ADCY8: variants seen among roughly 807,000 people sequenced by gnomAD.
ADCY8 encodes adenylate cyclase type 8.
In ADCY8, 51 loss-of-function variants were observed where a neutral mutation model predicts 119.7. The observed-to-expected ratio is 0.43, with a 90% CI of 0.34 to 0.54. The LOEUF is 0.54. ADCY8 is among the 20% of genes least tolerant of loss of function. The probability of loss-of-function intolerance (pLI) is 0.03; values close to 1 mark genes in which losing one functional copy is unlikely to be tolerated. For missense variants in ADCY8, 1,383 were observed against 1,598.8 expected (o/e 0.87, Z 2.30); for synonymous variants, 665 against 651.0 (o/e 1.02, Z -0.33).
chr8:131,002,177 A>G (rs922220146), intron 1 of ADCY8, among the ~76,000 whole-genome samples: 2 of 152,220 alleles, frequency 1.3e-5, no homozygotes, highest in Non-Finnish European at 2.9e-5. Flanking sequence ...ACCTTCCTCA[A>G]AATGTTGGAT....
intron 3 of ADCY8, among the ~76,000 whole-genome samples, chr8:130,947,960 C>A: frequency 6.6e-6 from 1 of 152,130 alleles, no homozygotes; most frequent in East Asian, 1.9e-4. Context: ...AGGTGGGCAC[C>A]TGGAATTGAT....
At chr8:130,996,950 G>A (rs1048877467) in intron 1 of ADCY8, among the ~76,000 whole-genome samples, 8 of 152,242 alleles carry the variant, frequency 5.3e-5, no homozygotes, top group African/African-American at 1.7e-4. Context: ...GTCTTTAGGA[G>A]ATCATCAGAC....
At chr8:130,818,251 T>C (rs1233340811) in intron 13 of ADCY8, among the ~76,000 whole-genome samples, 2 of 152,226 alleles carry the variant, frequency 1.3e-5, no homozygotes, top group East Asian at 1.9e-4. Context: ...TCTTTCCTTC[T>C]GAGCCACACA....
intron 1 of ADCY8, among the ~76,000 whole-genome samples, chr8:131,032,346 A>C (rs973639074): frequency 6.6e-6 from 1 of 152,196 alleles, no homozygotes; most frequent in African/African-American, 2.4e-5. Context: ...AGGGATAGAA[A>C]ACCCCAGTAG....
chr8:130,894,369 G>A (rs190095937), intron 7 of ADCY8, among the ~76,000 whole-genome samples: 2 of 152,156 alleles, frequency 1.3e-5, no homozygotes, highest in Admixed American at 1.3e-4. Context: ...TTATTATCCC[G>A]CGTGTTTATT....
intron 3 of ADCY8, among the ~76,000 whole-genome samples, chr8:130,948,645 TAAAAA>T (rs34700138): frequency 1.1e-5 from 1 of 91,204 alleles, no homozygotes; most frequent in Non-Finnish European, 2.7e-5. Flanking sequence ...TCTTCAAAAT[TAAAAA>T]AAAAAAAAAA....
intron 1 of ADCY8, among the ~76,000 whole-genome samples, chr8:131,037,146 T>C (rs1263128067): frequency 1.3e-5 from 2 of 152,152 alleles, no homozygotes; most frequent in Non-Finnish European, 2.9e-5. Context: ...GGGAGAGCGC[T>C]CTGGTTGTTC....
Position 130,911,783 on chromosome 8 carries a change from T to A in ADCY8, c.1482-1917A>T, listed in dbSNP as rs947421021. On this transcript the variant is annotated intron_variant, in intron 5 of 17. Coordinates refer to ENST00000286355, the MANE Select transcript of ADCY8 (RefSeq NM_001115.3). ...TAATTAAATATAATTAATAGAATAGTTAATAAATATAATTTTATTAGATAT... is the reference window on the plus strand; with the variant it reads ...TAATTAAATATAATTAATAGAATAGATAATAAATATAATTTTATTAGATAT... Among the ~76,000 whole-genome samples, 4 of 150,626 alleles carry A rather than the reference T, an allele frequency of 2.7e-5. 1 individual carries two copies. Among genetic ancestry groups the A allele is most frequent in the Admixed American group, 2.7e-4 (4 of 15,066 alleles).
intron 9 of ADCY8, among the ~76,000 whole-genome samples, chr8:130,865,097 C>T (rs1818069359): frequency 6.6e-6 from 1 of 152,104 alleles, no homozygotes; most frequent in South Asian, 2.1e-4. Flanking sequence ...TCCCTAAGTA[C>T]TCTTCCTCAG....
intron 12 of ADCY8, among the ~76,000 whole-genome samples, chr8:130,822,527 AATCCATGAATCCATCC>A (rs1175755001): frequency 4.3e-5 from 6 of 139,250 alleles, no homozygotes; most frequent in African/African-American, 8.2e-5. Context: ...TGAATCCATG[AATCCATGAATCCATCC>A]ATCCATCCAT....
intron 9 of ADCY8, among the ~76,000 whole-genome samples, chr8:130,859,440 A>G (rs915550606): frequency 5.3e-5 from 8 of 152,200 alleles, no homozygotes; most frequent in South Asian, 2.1e-4. Flanking sequence ...CCATGCCTCA[A>G]TGGGAAATTC....
Position 131,002,675 on chromosome 8 carries a change from A to C in ADCY8, c.961-12133T>G, listed in dbSNP as rs367780720. On this transcript the variant is annotated intron_variant, in intron 1 of 17. Coordinates refer to ENST00000286355, the MANE Select transcript of ADCY8 (RefSeq NM_001115.3). Reference sequence around the variant, plus strand: ...AAATCTAAGAAAAGGTAAAAAAAAAAATGAGGCCTCCTGAACTCAGCTAAA... The same window carrying C: ...AAATCTAAGAAAAGGTAAAAAAAAACATGAGGCCTCCTGAACTCAGCTAAA... 6.2e-4 allele frequency among the ~76,000 whole-genome samples: 94 copies of C among 152,058 alleles called. 1 individual carries two copies. The highest frequency in any genetic ancestry group is 2.1e-3 in the African/African-American group (88 of 41,546).
Position 130,825,626 on chromosome 8 carries a change from C to G in ADCY8, c.2676-4206G>C, listed in dbSNP as rs762317542. On this transcript the variant is annotated intron_variant, in intron 12 of 17. Transcript: ENST00000286355. ...TTTTAAGGCTGGGCCTAGAGAAGAT[C>G]AGTTCTGCTTCTAAAAAGTCTGATG... Among the ~76,000 whole-genome samples the G allele has an allele frequency of 1.7e-4, 26 of 152,198 alleles. 1 individual carries two copies. Among genetic ancestry groups the G allele is most frequent in the Admixed American group, 2.0e-4 (3 of 15,280 alleles).
intron 2 of ADCY8, among the ~76,000 whole-genome samples, chr8:130,989,663 A>T (rs1468382729): frequency 6.6e-6 from 1 of 152,216 alleles, no homozygotes; most frequent in East Asian, 1.9e-4. Flanking sequence ...GTTCAGAACA[A>T]AGGTATTCAT....
At chr8:130,952,552 G>A (rs1474788738) in intron 2 of ADCY8, among the ~76,000 whole-genome samples, 1 of 152,006 alleles carries the variant, frequency 6.6e-6, no homozygotes, top group African/African-American at 2.4e-5. Flanking sequence ...GAGGTTGGAG[G>A]TGTAGCTAGA....
In ADCY8 at chr8:130,780,790, C is replaced by A; in HGVS notation, c.3356G>T (p.Ser1119Ile). The A allele has an allele frequency of 1.9e-6, 3 of 1,614,214 alleles. No individual in the cohort carries two copies. The highest frequency in any genetic ancestry group is 1.7e-6 in the Non-Finnish European group (2 of 1,180,026). Reference protein sequence around the residue: ...DIWGKTVNLASRMDSTGVSGR... With the variant: ...DIWGKTVNLAIRMDSTGVSGR... ...ACTAACCCCCGTGCTGTCCATTCGG[C>A]TTGCCAGGTTCACAGTTTTGCCCCA... The change falls in exon 18 of 18, where the codon AGC (serine) becomes ATC (isoleucine). Residue 1119 changes from serine to isoleucine, a missense_variant. This residue lies in a region of ADCY8 where 928 missense variants were observed against 1,163.5 expected (regional missense o/e 0.80). Transcript: ENST00000286355.
chr8:130,803,880 G>C (rs1815859997), intron 14 of ADCY8, among the ~76,000 whole-genome samples: 1 of 152,218 alleles, frequency 6.6e-6, no homozygotes, highest in African/African-American at 2.4e-5. Flanking sequence ...AATCTAAACT[G>C]ATGCCTTCTT....
intron 5 of ADCY8, among the ~76,000 whole-genome samples, chr8:130,927,235 C>G (rs1480184660): frequency 1.3e-5 from 2 of 152,170 alleles, no homozygotes; most frequent in Non-Finnish European, 2.9e-5. Context: ...TTCCTTTCCA[C>G]CACCTCCTGG....
At chr8:130,908,639 A>T (rs1174216066) in intron 6 of ADCY8, among the ~76,000 whole-genome samples, 4 of 152,240 alleles carry the variant, frequency 2.6e-5, no homozygotes, top group African/African-American at 9.6e-5. Flanking sequence ...ACAAGGTAGC[A>T]AATCATAAGT....
Sources: gnomAD v4.1 joint callset for allele counts (sites outside exome capture counted in the v4.1 genomes callset) on GRCh38, gnomAD v4.1.1 for gene constraint, gnomAD v4.1.1 regional missense constraint, MANE v1.5 for transcripts, NCBI Gene and HGNC (gene_info 2026-07-23, HGNC 2026-07-21) for gene names.